TRIM4: variants seen among roughly 807,000 people sequenced by gnomAD.
TRIM4 encodes the protein tripartite motif containing 4, also known as E3 ubiquitin-protein ligase TRIM4.
A neutral mutation model predicts 33.7 loss-of-function variants in TRIM4; 29 were observed. The observed-to-expected ratio is 0.86, with a 90% confidence interval of 0.64 to 1.17. The LOEUF is 1.17. TRIM4 is among the 50% of genes most tolerant of loss of function. The pLI, the probability that TRIM4 is intolerant of heterozygous loss-of-function variation, is 0.00. For synonymous variants in TRIM4, 224 were observed against 233.0 expected (o/e 0.96, Z 0.35); for missense variants, 554 against 593.7 (o/e 0.93, Z 0.69).
chr7:99,909,716 C>G (rs1819394667), intron 1 of TRIM4, 56 bp from the exon 2 acceptor site: 2 of 830,322 alleles, frequency 2.4e-6, no homozygotes, highest in South Asian at 3.5e-5. Context: ...TCATCATCTT[C>G]TTTTTTCTTT....
At chr7:99,912,373 T>C (rs1819465334) in intron 1 of TRIM4, among the ~76,000 whole-genome samples, 1 of 151,792 alleles carries the variant, frequency 6.6e-6, no homozygotes, top group African/African-American at 2.4e-5. Flanking sequence ...TCTACTAAAA[T>C]ACAAAAGAAA....
chr7:99,900,899 A>G (rs1171627171), intron 5 of TRIM4, among the ~76,000 whole-genome samples: 1 of 134,622 alleles, frequency 7.4e-6, no homozygotes, highest in Non-Finnish European at 1.7e-5. Flanking sequence ...GCAAGTTATG[A>G]TGAGCCTTGG....
At chr7:99,911,904 G>A (rs1032899269) in intron 1 of TRIM4, among the ~76,000 whole-genome samples, 1 of 152,206 alleles carries the variant, frequency 6.6e-6, no homozygotes, top group Non-Finnish European at 1.5e-5. Flanking sequence ...TGATAGGAAG[G>A]TGGATAAATA....
In TRIM4 at chr7:99,919,130, C is replaced by A; in HGVS notation, c.272G>T (p.Trp91Leu). Reference protein sequence around the residue: ...PVPPGLCGRHWEPLRLFCEDD... With the variant: ...PVPPGLCGRHLEPLRLFCEDD... ...CTCGCAGAAGAGCCGCAGCGGCTCC[C>A]AGTGGCGGCCGCACAGGCCCGGGGG... The change falls in exon 1 of 6, where the codon TGG becomes TTG. Residue 91 changes from tryptophan (W) to leucine (L), a missense_variant. Transcript: ENST00000349062. The A allele has an allele frequency of 6.6e-7, 1 of 1,513,078 alleles. No homozygotes were observed. Among genetic ancestry groups the A allele is most frequent in the East Asian group, 2.7e-5 (1 of 37,012 alleles). The allele number at this position is 1,513,078 out of a possible 1,614,324, so 93.7% of individuals were successfully genotyped here. A position where few individuals can be genotyped will look rare whatever the true frequency, so the allele number is the denominator to read the frequency against.
Position 99,919,260 on chromosome 7 carries a change from G to T in TRIM4, c.142C>A (p.Pro48Thr). 6.5e-7 allele frequency: 1 copy of T among 1,544,454 alleles called. No homozygotes were observed. Among genetic ancestry groups the T allele is most frequent in the Non-Finnish European group, 8.7e-7 (1 of 1,144,864 alleles). Reference sequence around the variant, plus strand: ...GATGGGTGCCGACATTCGGGGCAGGGGAACGGGCCGCCGCCCGGCGCCCAG... The same window carrying T: ...GATGGGTGCCGACATTCGGGGCAGGTGAACGGGCCGCCGCCCGGCGCCCAG... Reference protein sequence around the residue: ...RNWAPGGGPFPCPECRHPSAP... With the variant: ...RNWAPGGGPFTCPECRHPSAP... Residue 48 changes from proline (P) to threonine (T), a missense_variant, in exon 1 of 6, where the codon CCC (proline) becomes ACC (threonine). Coordinates refer to ENST00000349062, the MANE Select transcript of TRIM4 (RefSeq NM_033091.3).
At chr7:99,907,856 A>G (rs1447670309) in intron 3 of TRIM4, among the ~76,000 whole-genome samples, 1 of 152,196 alleles carries the variant, frequency 6.6e-6, no homozygotes, top group East Asian at 1.9e-4. Context: ...ATCTTCATTC[A>G]CGTGATATGG....
intron 2 of TRIM4, 82 bp downstream of exon 2, chr7:99,909,483 C>G (rs541832124): frequency 8.2e-7 from 1 of 1,221,970 alleles, no homozygotes; most frequent in South Asian, 1.3e-5. Flanking sequence ...AACCCCATGA[C>G]CAAAAGGACC....
intron 5 of TRIM4, among the ~76,000 whole-genome samples, chr7:99,893,180 T>C (rs1422209884): frequency 1.3e-5 from 2 of 152,036 alleles, no homozygotes; most frequent in Non-Finnish European, 2.9e-5. Flanking sequence ...GGCAGAAGAA[T>C]CACTTAAACC....
At chr7:99,894,178 A>C (rs1211846683) in intron 5 of TRIM4, among the ~76,000 whole-genome samples, 3 of 152,172 alleles carry the variant, frequency 2.0e-5, no homozygotes, top group African/African-American at 7.2e-5. Flanking sequence ...CTGAGAATTT[A>C]GGTATCTATG....
rs76665876 is a variant in TRIM4 at position 99,892,234 on chromosome 7, G to A, written c.1354C>T (p.Arg452Cys). 3,649 of 1,614,170 alleles carry A rather than the reference G, an allele frequency of 2.3e-3. 129 individuals are homozygous for A. In the East Asian group the frequency reaches 0.074, roughly 33 times the overall value. Residue 452 changes from arginine (R) to cysteine (C), a missense_variant, in exon 6 of 6, where the codon CGC becomes TGC. This residue lies in a region of TRIM4 where 290 missense variants were observed against 335.8 expected (regional missense o/e 0.86). Transcript: ENST00000349062. ...LHTFSCSSVS[R>C]LRPFFWLSPL... is the part of the protein sequence containing the mutation. ...CTCAACCAAAAAAATGGCCGGAGGC[G>A]TGAGACAGAAGAACAAGAAAAGGTG... is the stretch of plus-strand genomic sequence containing the variant.
At position 99,891,994 on chromosome 7, in the gene TRIM4, G is replaced by A; in HGVS notation, c.*169C>T. ...CCATTGGCCAGACCCACCTCCCATG[G>A]GACTGCCTCTTGTGAAGCACACAAA... On this transcript the variant is annotated 3_prime_UTR_variant, in exon 6 of 6. Coordinates refer to ENST00000349062, the MANE Select transcript of TRIM4 (RefSeq NM_033091.3). 1 of 626,020 alleles carries A rather than the reference G, an allele frequency of 1.6e-6. No homozygotes were observed. The allele number at this position is 626,020 out of a possible 1,614,324, so 38.8% of individuals were successfully genotyped here. A position where few individuals can be genotyped will look rare whatever the true frequency, so the allele number is the denominator to read the frequency against.
intron 5 of TRIM4, among the ~76,000 whole-genome samples, chr7:99,899,137 C>T (rs577991082): frequency 6.6e-6 from 1 of 152,150 alleles, no homozygotes; most frequent in African/African-American, 2.4e-5. Context: ...ACCCTATGGT[C>T]TAAGAAGACT....
chr7:99,905,410 A>G (rs1819277564), intron 3 of TRIM4, among the ~76,000 whole-genome samples: 1 of 152,250 alleles, frequency 6.6e-6, no homozygotes, highest in African/African-American at 2.4e-5. Flanking sequence ...ACCCAAAAAG[A>G]TATGTTCACA....
chr7:99,892,326 C>A lies in TRIM4; in HGVS notation c.1262G>T (p.Gly421Val). ...CCCAGTCCCACGATCCAGGTAAACC[C>A]CCACTCGGTGGAGAGCTGGCTCTTG... Reference protein sequence around the residue: ...TQQEPALHRVGVYLDRGTGNV... With the variant: ...TQQEPALHRVVVYLDRGTGNV... The change falls in exon 6 of 6, where the codon GGG becomes GTG. Residue 421 changes from glycine to valine, a missense_variant. Transcript: ENST00000349062. 1 of 1,614,190 alleles carries A rather than the reference C, an allele frequency of 6.2e-7. No homozygotes were observed. The highest frequency in any genetic ancestry group is 8.5e-7 in the Non-Finnish European group (1 of 1,180,036).
At chr7:99,915,875 T>C (rs2151653656) in intron 1 of TRIM4, among the ~76,000 whole-genome samples, 1 of 152,304 alleles carries the variant, frequency 6.6e-6, no homozygotes, top group East Asian at 1.9e-4. Context: ...CTCAGATTAG[T>C]TGTGGCAGAG....
chr7:99,911,179 T>C (rs138659765), intron 1 of TRIM4, among the ~76,000 whole-genome samples: 3 of 152,272 alleles, frequency 2.0e-5, no homozygotes, highest in African/African-American at 7.2e-5. Context: ...CAGGTGGCAG[T>C]TGGAGCCTTG....
At chr7:99,898,158 G>A (rs945825090) in intron 5 of TRIM4, among the ~76,000 whole-genome samples, 5 of 152,202 alleles carry the variant, frequency 3.3e-5, no homozygotes, top group Admixed American at 6.5e-5. Flanking sequence ...TATGCAGTGC[G>A]TTTCCCACCA....
At chr7:99,893,967 C>CTT (rs74857142) in intron 5 of TRIM4, among the ~76,000 whole-genome samples, 9,329 of 137,112 alleles carry the variant, frequency 0.068, 290 homozygotes, top group African/African-American at 0.074. Context: ...CATGGTTTTC[C>CTT]TTTTTTTTTT....
intron 5 of TRIM4, among the ~76,000 whole-genome samples, chr7:99,897,352 T>C (rs754078806): frequency 6.6e-6 from 1 of 152,154 alleles, no homozygotes; most frequent in Non-Finnish European, 1.5e-5. Flanking sequence ...AGCTGGGAAG[T>C]AAGTTCAAAC....
Sources: gnomAD v4.1 joint callset for allele counts (sites outside exome capture counted in the v4.1 genomes callset) on GRCh38, gnomAD v4.1.1 for gene constraint, gnomAD v4.1.1 regional missense constraint, MANE v1.5 for transcripts, NCBI Gene and HGNC (gene_info 2026-07-23, HGNC 2026-07-21) for gene names.